Variants in KCNH7 observed in about 807,000 individuals in gnomAD.
KCNH7 encodes the protein voltage-gated inwardly rectifying potassium channel KCNH7.
Under a neutral mutation model 120.8 loss-of-function variants are expected in KCNH7, and 49 were observed. That is an observed-to-expected ratio of 0.41 (90% CI 0.32 to 0.51). The LOEUF (loss-of-function observed/expected upper bound fraction) is 0.51. Ranked by LOEUF, KCNH7 falls within the 20% of genes least tolerant of loss-of-function variation. KCNH7 has a pLI of 0.38. For missense variants in KCNH7, 1,097 were observed against 1,446.6 expected, an observed-to-expected ratio of 0.76 and a Z score of 3.92; for synonymous variants, 547 against 516.1, an observed-to-expected ratio of 1.06 and a Z score of -0.81.
At position 162,511,218 on chromosome 2, in the gene KCNH7, T is replaced by C. The variant is rs531096990; in HGVS notation, c.913+1436A>G. 2.6e-5 allele frequency among the ~76,000 whole-genome samples: 4 copies of C among 151,856 alleles called. No individual in the cohort carries two copies. The South Asian group carries it at 6.2e-4, about 24-fold the overall frequency. On this transcript the variant is annotated intron_variant, in intron 5 of 15. Coordinates refer to ENST00000332142, the MANE Select transcript of KCNH7 (RefSeq NM_033272.4). ...TAAAATAGCTGTACTTTGACATATA[T>C]GTGAACTAGTAGTTTGAAAGTTAAA...
At chr2:162,513,778 G>T (rs926092722) in intron 4 of KCNH7, among the ~76,000 whole-genome samples, 3 of 151,700 alleles carry the variant, frequency 2.0e-5, no homozygotes, top group African/African-American at 7.3e-5. Flanking sequence ...AAAAATAATT[G>T]CAAGAAGTAA....
At chr2:162,505,894 T>G (rs544592642) in intron 5 of KCNH7, among the ~76,000 whole-genome samples, 1 of 152,018 alleles carries the variant, frequency 6.6e-6, no homozygotes, top group Non-Finnish European at 1.5e-5. Flanking sequence ...TTTAAGATTT[T>G]GCATTTTGGA....
intron 6 of KCNH7, among the ~76,000 whole-genome samples, chr2:162,470,805 G>A (rs1438361964): frequency 6.6e-6 from 1 of 152,232 alleles, no homozygotes; most frequent in Admixed American, 6.5e-5. Context: ...GAATAGAGGA[G>A]GGGGAAAGGT....
intron 2 of KCNH7, among the ~76,000 whole-genome samples, chr2:162,616,836 C>CCTATT (rs1178892008): frequency 6.6e-6 from 1 of 151,856 alleles, no homozygotes; most frequent in Non-Finnish European, 1.5e-5. Flanking sequence ...AAAGATGTAC[C>CCTATT]CTATTTTTTT....
chr2:162,485,810 A>T lies in KCNH7; in HGVS notation c.1128+18633T>A, dbSNP rs186344322. On this transcript the variant is annotated intron_variant, in intron 6 of 15. Transcript: ENST00000332142. ...CATAATTTACAAATGACAGCTTATC[A>T]CCCCGAAACAGGATGGTACAGCTCA... 2.8e-4 allele frequency among the ~76,000 whole-genome samples: 42 copies of T among 152,296 alleles called. No homozygotes were observed. In the East Asian group the frequency reaches 7.7e-3, roughly 28 times the overall value.
intron 2 of KCNH7, among the ~76,000 whole-genome samples, chr2:162,641,413 T>G (rs1684151585): frequency 6.6e-6 from 1 of 152,102 alleles, no homozygotes; most frequent in South Asian, 2.1e-4. Context: ...AAGATTACAT[T>G]GTATGTGATT....
chr2:162,621,696 T>A (rs1683364631), intron 2 of KCNH7, among the ~76,000 whole-genome samples: 1 of 152,146 alleles, frequency 6.6e-6, no homozygotes, highest in Non-Finnish European at 1.5e-5. Flanking sequence ...GCAAAAAGAT[T>A]AAGTGTTATT....
At chr2:162,384,964 A>T (rs1214598347) in intron 12 of KCNH7, 25 bp from the exon 13 acceptor site, 1 of 1,575,892 alleles carries the variant, frequency 6.3e-7, no homozygotes, top group East Asian at 2.3e-5. Context: ...ATCAAAGAAA[A>T]GTTATTTTAT....
chr2:162,446,990 A>G (rs552195866), intron 6 of KCNH7, among the ~76,000 whole-genome samples: 26 of 152,230 alleles, frequency 1.7e-4, no homozygotes, highest in South Asian at 8.3e-4. Context: ...ACATTAGGGG[A>G]AAAAAGGCAA....
chr2:162,617,926 G>A (rs901072617), intron 2 of KCNH7, among the ~76,000 whole-genome samples: 17 of 151,784 alleles, frequency 1.1e-4, no homozygotes, highest in Admixed American at 9.2e-4. Context: ...TCATAGAAAT[G>A]AATACTTATG....
intron 2 of KCNH7, among the ~76,000 whole-genome samples, chr2:162,637,458 T>C (rs1274479549): frequency 6.6e-6 from 1 of 152,096 alleles, no homozygotes; most frequent in Non-Finnish European, 1.5e-5. Context: ...TCATATGCTA[T>C]CAACTGATAT....
rs372532659 is a variant in KCNH7 at position 162,790,922 on chromosome 2, C to G, written c.307+45615G>C. On this transcript the variant is annotated intron_variant, in intron 2 of 15. Coordinates refer to ENST00000332142, the MANE Select transcript of KCNH7 (RefSeq NM_033272.4). ...AACTTTTTCTCTAAGACCAGGATGC[C>G]CATTCTCACCACTTGGTATTCAACA... is the stretch of plus-strand genomic sequence containing the variant. Among the ~76,000 whole-genome samples, 81 of 152,080 alleles carry G rather than the reference C, an allele frequency of 5.3e-4. No homozygotes were observed. The East Asian group carries it at 0.011, about 21-fold the overall frequency.
At chr2:162,530,640 A>G (rs1256401089) in intron 3 of KCNH7, among the ~76,000 whole-genome samples, 2 of 152,046 alleles carry the variant, frequency 1.3e-5, no homozygotes, top group African/African-American at 4.8e-5. Flanking sequence ...TGGTAGTTAC[A>G]ATGTAGGTTT....
chr2:162,625,894 G>C (rs1282376813), intron 2 of KCNH7, among the ~76,000 whole-genome samples: 1 of 152,088 alleles, frequency 6.6e-6, no homozygotes, highest in South Asian at 2.1e-4. Context: ...CTTCTAAGAA[G>C]TCTTGCTTTG....
At chr2:162,642,073 C>G (rs771829609) in intron 2 of KCNH7, among the ~76,000 whole-genome samples, 2 of 152,078 alleles carry the variant, frequency 1.3e-5, no homozygotes, top group African/African-American at 2.4e-5. Flanking sequence ...CTCTTCAGCC[C>G]AATAAATTCC....
chr2:162,645,029 CA>C (rs1394366015), intron 2 of KCNH7, among the ~76,000 whole-genome samples: 79 of 152,278 alleles, frequency 5.2e-4, no homozygotes, highest in Non-Finnish European at 1.5e-4. Context: ...TGTTTCTCTG[CA>C]ATAAGTACAA....
intron 2 of KCNH7, among the ~76,000 whole-genome samples, chr2:162,807,145 T>C (rs1315084945): frequency 6.8e-6 from 1 of 147,902 alleles, no homozygotes; most frequent in Admixed American, 6.9e-5. Flanking sequence ...GTGTGGTGGC[T>C]CAAGCCTATA....
chr2:162,459,334 A>G (rs987760631), intron 6 of KCNH7, among the ~76,000 whole-genome samples: 6 of 152,174 alleles, frequency 3.9e-5, no homozygotes, highest in African/African-American at 1.4e-4. Flanking sequence ...AAATAAAAGT[A>G]TAGGAAATTC....
At chr2:162,817,855 C>G (rs62171417) in intron 2 of KCNH7, among the ~76,000 whole-genome samples, 8,327 of 152,086 alleles carry the variant, frequency 0.055, 309 homozygotes, top group South Asian at 0.11. Flanking sequence ...ACATAAGCCT[C>G]TTACATCTGT....
Sources: gnomAD v4.1 joint callset for allele counts (sites outside exome capture counted in the v4.1 genomes callset) on GRCh38, gnomAD v4.1.1 for gene constraint, MANE v1.5 for transcripts, NCBI Gene and HGNC (gene_info 2026-07-23, HGNC 2026-07-21) for gene names.